RIMS2: variants seen among roughly 807,000 people sequenced by gnomAD.
The protein encoded by RIMS2 is regulating synaptic membrane exocytosis protein 2.
RIMS2 carries 59 observed loss-of-function variants against 174.4 expected under a neutral mutation model. That is an observed-to-expected ratio of 0.34 (90% confidence interval 0.27 to 0.42). The LOEUF (loss-of-function observed/expected upper bound fraction) is 0.42. Ranked by LOEUF, RIMS2 falls within the 10% of genes least tolerant of loss-of-function variation. RIMS2 has a pLI of 1.00. For missense variants in RIMS2, 1,620 were observed against 1,666.3 expected, an observed-to-expected ratio of 0.97 and a Z score of 0.48; for synonymous variants, 606 against 572.5, an observed-to-expected ratio of 1.06 and a Z score of -0.84.
At chr8:103,682,649 C>T (rs1490304636) in intron 1 of RIMS2, among the ~76,000 whole-genome samples, 1 of 152,112 alleles carries the variant, frequency 6.6e-6, no homozygotes, top group African/African-American at 2.4e-5. Context: ...TGAGTCTGCC[C>T]ATATACCACC....
intron 1 of RIMS2, among the ~76,000 whole-genome samples, chr8:103,609,800 C>T (rs886824830): frequency 5.3e-5 from 8 of 152,106 alleles, no homozygotes; most frequent in Non-Finnish European, 8.8e-5. Context: ...TTAGGATTGC[C>T]GTGGCTATTT....
At chr8:104,068,995 C>A (rs962152115) in intron 19 of RIMS2, among the ~76,000 whole-genome samples, 10 of 152,028 alleles carry the variant, frequency 6.6e-5, no homozygotes, top group African/African-American at 2.2e-4. Context: ...GAACAAAATA[C>A]AAATGGTGCC....
chr8:103,858,662 C>CAT (rs1447716199), intron 3 of RIMS2, among the ~76,000 whole-genome samples: 46 of 145,572 alleles, frequency 3.2e-4, no homozygotes, highest in Middle Eastern at 3.7e-3. Context: ...AAACCTTAAC[C>CAT]ATATATATAT....
exon 4 of RIMS2, chr8:103,885,896 C>T (rs1020266564): frequency 1.9e-6 from 3 of 1,612,894 alleles, no homozygotes; most frequent in African/African-American, 1.3e-5. Context: ...AAACCATAGT[C>T]CTCCTACCCC....
chr8:103,785,891 A>G (rs2098438944), intron 3 of RIMS2, among the ~76,000 whole-genome samples: 1 of 152,310 alleles, frequency 6.6e-6, no homozygotes, highest in Admixed American at 6.5e-5. Flanking sequence ...CTGTGAATCC[A>G]TCTGGTCCTG....
chr8:103,684,259 C>T (rs1402370355), intron 1 of RIMS2, among the ~76,000 whole-genome samples: 1 of 152,060 alleles, frequency 6.6e-6, no homozygotes, highest in Non-Finnish European at 1.5e-5. Context: ...TTTTGCTTTT[C>T]CCAGAATGTC....
intron 19 of RIMS2, among the ~76,000 whole-genome samples, chr8:104,066,138 C>G (rs1381922798): frequency 6.6e-6 from 1 of 152,120 alleles, no homozygotes. Context: ...CAGTTGCTTC[C>G]ATGCTATGGT....
At chr8:104,093,600 A>G in intron 19 of RIMS2, 3 of 1,597,570 alleles carry the variant, frequency 1.9e-6, no homozygotes, top group Non-Finnish European at 2.5e-6. Context: ...CACAAGCTAC[A>G]TGTCTGTCCA....
intron 3 of RIMS2, among the ~76,000 whole-genome samples, chr8:103,838,134 T>C (rs1339845303): frequency 6.6e-6 from 1 of 152,012 alleles, no homozygotes; most frequent in South Asian, 2.1e-4. Flanking sequence ...TTTGTAGAAG[T>C]AGGGTTTCAC....
At chr8:104,021,332 T>C (rs72683148) in intron 19 of RIMS2, among the ~76,000 whole-genome samples, 19,465 of 152,164 alleles carry the variant, frequency 0.13, 1,697 homozygotes, top group Non-Finnish European at 0.19. Context: ...ATAGTATTCA[T>C]AAGACAATAA....
Position 103,587,080 on chromosome 8 carries a change from A to G in RIMS2, c.176+86018A>G, listed in dbSNP as rs56856878. Among the ~76,000 whole-genome samples, 1,043 of 152,096 alleles carry G rather than the reference A, an allele frequency of 6.9e-3. 7 individuals carry two copies. Among genetic ancestry groups the G allele is most frequent in the African/African-American group, 0.024 (989 of 41,554 alleles). On this transcript the variant is annotated intron_variant, in intron 1 of 23. Coordinates refer to ENST00000504942, the Ensembl canonical transcript of RIMS2. Reference sequence around the variant, plus strand: ...GATCCATTTATCTGAGCAACTAACTATATTCCAATAAATTGGAAAATCTAG... The same window carrying G: ...GATCCATTTATCTGAGCAACTAACTGTATTCCAATAAATTGGAAAATCTAG...
intron 3 of RIMS2, among the ~76,000 whole-genome samples, chr8:103,781,909 G>A (rs1006292735): frequency 3.3e-5 from 5 of 151,586 alleles, no homozygotes; most frequent in Admixed American, 6.6e-5. Context: ...CACCATGCCC[G>A]GGTAATTTTT....
chr8:104,003,127 C>G (rs1029537368), intron 17 of RIMS2, among the ~76,000 whole-genome samples: 1 of 151,984 alleles, frequency 6.6e-6, no homozygotes, highest in Admixed American at 6.6e-5. Flanking sequence ...CTGCTTAGAG[C>G]TATACACAAC....
chr8:103,961,074 G>C, exon 15 of RIMS2: 1 of 1,482,614 alleles, frequency 6.7e-7, no homozygotes, highest in Non-Finnish European at 9.4e-7. Context: ...GGGTCAAAGA[G>C]AATAAGTGAT....
At chr8:103,857,976 A>T (rs1199505980) in intron 3 of RIMS2, among the ~76,000 whole-genome samples, 1 of 152,210 alleles carries the variant, frequency 6.6e-6, no homozygotes, top group Non-Finnish European at 1.5e-5. Context: ...CTGAGCTGTA[A>T]TATCCAAAAT....
chr8:104,150,607 G>C (rs1203297399), intron 19 of RIMS2, among the ~76,000 whole-genome samples: 5 of 152,124 alleles, frequency 3.3e-5, no homozygotes, highest in African/African-American at 4.8e-5. Context: ...GATTAGAAAG[G>C]TGTTCTAGAT....
At chr8:103,607,895 C>G (rs2095192689) in intron 1 of RIMS2, among the ~76,000 whole-genome samples, 1 of 135,802 alleles carries the variant, frequency 7.4e-6, no homozygotes, top group Non-Finnish European at 1.6e-5. Context: ...TCTAGTTATA[C>G]ATTCTTCTAA....
At chr8:104,161,007 C>G (rs12542414) in intron 19 of RIMS2, among the ~76,000 whole-genome samples, 43,149 of 152,020 alleles carry the variant, frequency 0.28, 6,290 homozygotes, top group Non-Finnish European at 0.32. Context: ...TTACTTCTCT[C>G]AATCTCCATT....
chr8:104,137,302 C>T (rs77802702), intron 19 of RIMS2, among the ~76,000 whole-genome samples: 3,475 of 152,176 alleles, frequency 0.023, 132 homozygotes, highest in African/African-American at 0.079. Context: ...TTAGAGTCAA[C>T]GTATCTTAAC....
Sources: gnomAD v4.1 joint callset for allele counts (sites outside exome capture counted in the v4.1 genomes callset) on GRCh38, gnomAD v4.1.1 for gene constraint, MANE v1.5 for transcripts, NCBI Gene and HGNC (gene_info 2026-07-23, HGNC 2026-07-21) for gene names.